RANBP2: variants seen among roughly 807,000 people sequenced by gnomAD.
RANBP2 encodes E3 SUMO-protein ligase RanBP2.
RANBP2 carries 57 observed loss-of-function variants against 303.6 expected under a neutral mutation model. The ratio of observed to expected loss-of-function variants is 0.19; its 90% CI spans 0.15 to 0.23. The LOEUF is 0.23. RANBP2 is among the 10% of genes least tolerant of loss of function. The pLI is 1.00. For synonymous variants in RANBP2, 1,167 were observed against 1,301.5 expected, an observed-to-expected ratio of 0.90 and a Z score of 2.23; for missense variants, 3,138 against 3,780.8, an observed-to-expected ratio of 0.83 and a Z score of 4.46.
At chr2:109,312,019 T>C in the RANBP2 span, among the ~76,000 whole-genome samples, 1 of 139,232 alleles carries the variant, frequency 7.2e-6, no homozygotes, top group East Asian at 2.0e-4. Context: ...AGTTTTGAAC[T>C]GACTTGAGCG....
the RANBP2 span, among the ~76,000 whole-genome samples, chr2:109,532,422 C>T: frequency 6.6e-6 from 1 of 151,992 alleles, no homozygotes. Flanking sequence ...GTTTATAAAC[C>T]AGATAAGAGT....
At chr2:109,488,533 C>A in the RANBP2 span, among the ~76,000 whole-genome samples, 2 of 152,206 alleles carry the variant, frequency 1.3e-5, no homozygotes, top group Non-Finnish European at 2.9e-5. Flanking sequence ...GTGGCCTGAA[C>A]AAGCCTCCTC....
the RANBP2 span, among the ~76,000 whole-genome samples, chr2:109,113,287 G>C: frequency 2.0e-5 from 3 of 152,072 alleles, no homozygotes; most frequent in Non-Finnish European, 4.4e-5. Context: ...TCTTCCATTT[G>C]TTTGTATCCT....
At chr2:109,715,740 G>C in the RANBP2 span, among the ~76,000 whole-genome samples, 13 of 152,290 alleles carry the variant, frequency 8.5e-5, no homozygotes, top group East Asian at 2.3e-3. Context: ...TTTCAGAAAT[G>C]AAAGTTCCAA....
intron 17 of RANBP2, among the ~76,000 whole-genome samples, chr2:108,755,510 C>G (rs1676239138): frequency 1.3e-5 from 2 of 151,980 alleles, no homozygotes; most frequent in African/African-American, 4.8e-5. Context: ...TTGGCTCAGC[C>G]TGCCACGAAG....
the RANBP2 span, chr2:109,617,239 A>G: frequency 6.0e-6 from 1 of 166,894 alleles, no homozygotes; most frequent in Non-Finnish European, 1.5e-5. Flanking sequence ...TCCTGTAGTT[A>G]CTGAAAATCT....
chr2:109,034,270 CAAAAA>C, the RANBP2 span, among the ~76,000 whole-genome samples: 17 of 38,094 alleles, frequency 4.5e-4, no homozygotes, highest in South Asian at 1.6e-3. Context: ...GACTCCATCT[CAAAAA>C]AAAAAAAAAA....
the RANBP2 span, among the ~76,000 whole-genome samples, chr2:108,974,215 A>T: frequency 2.0e-5 from 3 of 150,384 alleles, no homozygotes; most frequent in Non-Finnish European, 3.0e-5. Flanking sequence ...CTGTAGTCCC[A>T]GCTAGTTGGG....
chr2:108,996,605 C>T, the RANBP2 span, among the ~76,000 whole-genome samples: 8 of 152,176 alleles, frequency 5.3e-5, no homozygotes, highest in African/African-American at 1.9e-4. Context: ...ACTTCTACTT[C>T]CATTCCCCCC....
chr2:108,750,788 C>T (rs1249276116), intron 9 of RANBP2, among the ~76,000 whole-genome samples: 2 of 152,168 alleles, frequency 1.3e-5, no homozygotes, highest in Non-Finnish European at 2.9e-5. Context: ...GGAGTTTCAC[C>T]ATGCTGGCCA....
chr2:109,582,860 T>G, the RANBP2 span, among the ~76,000 whole-genome samples: 2 of 151,996 alleles, frequency 1.3e-5, no homozygotes, highest in Admixed American at 1.3e-4. Context: ...ACAGAGAACC[T>G]AGAAATAAAG....
At chr2:109,621,813 T>C in the RANBP2 span, among the ~76,000 whole-genome samples, 14 of 151,996 alleles carry the variant, frequency 9.2e-5, no homozygotes, top group African/African-American at 3.4e-4. Context: ...CTTGGGAGGC[T>C]GAGGCAGGAT....
the RANBP2 span, among the ~76,000 whole-genome samples, chr2:109,257,354 G>A: frequency 2.6e-5 from 4 of 150,996 alleles, no homozygotes; most frequent in Non-Finnish European, 5.9e-5. Context: ...ATTGAGGAGG[G>A]AATGAAAGAA....
At chr2:109,570,276 C>T in the RANBP2 span, among the ~76,000 whole-genome samples, 4 of 152,026 alleles carry the variant, frequency 2.6e-5, no homozygotes, top group Non-Finnish European at 5.9e-5. Context: ...TGACCTTTAC[C>T]GTTACCATAA....
chr2:109,043,554 C>T, the RANBP2 span, among the ~76,000 whole-genome samples: 13 of 152,260 alleles, frequency 8.5e-5, no homozygotes, highest in African/African-American at 2.6e-4. Context: ...AGGCTGATCT[C>T]GAACTCCTGA....
At chr2:109,617,418 T>A in the RANBP2 span, 1 of 167,120 alleles carries the variant, frequency 6.0e-6, no homozygotes. Flanking sequence ...TACATTTCAT[T>A]CATTTATATT....
chr2:109,512,288 C>T, the RANBP2 span, among the ~76,000 whole-genome samples: 1 of 152,090 alleles, frequency 6.6e-6, no homozygotes. Context: ...GCCCTCCCTG[C>T]CCTGCATCCC....
the RANBP2 span, chr2:108,873,411 C>A: frequency 7.0e-7 from 1 of 1,433,534 alleles, no homozygotes; most frequent in Non-Finnish European, 9.2e-7. Context: ...TCCTTTTTCG[C>A]TACTCCCTAA....
chr2:108,736,541 TCTAA>T lies in RANBP2; in HGVS notation c.782+295_782+298del, dbSNP rs562721913. 4.7e-4 allele frequency among the ~76,000 whole-genome samples: 72 copies of T among 152,344 alleles called. 1 individual carries two copies. In the South Asian group the frequency reaches 7.0e-3, roughly 15 times the overall value. On this transcript the variant is annotated intron_variant, in intron 6 of 28. Coordinates refer to ENST00000283195, the MANE Select transcript of RANBP2 (RefSeq NM_006267.5). ...TCATAGTCAAGCCTAAAATGAATGT[TCTAA>T]CTGCTATTTCATATTTTATTTTTTA...
Sources: gnomAD v4.1 joint callset for allele counts (sites outside exome capture counted in the v4.1 genomes callset) on GRCh38, gnomAD v4.1.1 for gene constraint, MANE v1.5 for transcripts, NCBI Gene and HGNC (gene_info 2026-07-23, HGNC 2026-07-21) for gene names.